ZNF521: variants seen among roughly 807,000 people sequenced by gnomAD.
ZNF521 encodes the protein LYST-interacting protein 3.
In ZNF521, 14 loss-of-function variants were observed where a neutral mutation model predicts 105.5. That is an observed-to-expected ratio of 0.13 (90% CI 0.09 to 0.21). ZNF521 has a LOEUF of 0.21. ZNF521 is among the 10% of genes least tolerant of loss of function. The pLI is 1.00. For missense variants in ZNF521, 1,233 were observed against 1,629.7 expected, an observed-to-expected ratio of 0.76 and a Z score of 4.19; for synonymous variants, 635 against 606.0, an observed-to-expected ratio of 1.05 and a Z score of -0.70.
At chr18:25,135,662 C>G (rs2034720918) in intron 5 of ZNF521, among the ~76,000 whole-genome samples, 1 of 152,126 alleles carries the variant, frequency 6.6e-6, no homozygotes, top group African/African-American at 2.4e-5. Flanking sequence ...GTGTGGGCCC[C>G]TTGGGGGACT....
chr18:25,111,292 C>T (rs1453743190), intron 5 of ZNF521, among the ~76,000 whole-genome samples: 1 of 152,084 alleles, frequency 6.6e-6, no homozygotes, highest in Admixed American at 6.5e-5. Flanking sequence ...TACTGCATTC[C>T]ACTTGTCCCA....
chr18:25,343,046 A>C (rs1001246998), intron 2 of ZNF521, among the ~76,000 whole-genome samples: 1 of 152,222 alleles, frequency 6.6e-6, no homozygotes, highest in African/African-American at 2.4e-5. Flanking sequence ...GTTATAGTTT[A>C]CTGTGTGGAC....
chr18:25,248,164 T>C (rs372364631), intron 3 of ZNF521, among the ~76,000 whole-genome samples: 2 of 152,182 alleles, frequency 1.3e-5, no homozygotes, highest in African/African-American at 2.4e-5. Context: ...ACACGTCTGA[T>C]AGGAAGGTTA....
chr18:25,308,347 T>C (rs1912097347), intron 3 of ZNF521, among the ~76,000 whole-genome samples: 1 of 152,084 alleles, frequency 6.6e-6, no homozygotes, highest in Non-Finnish European at 1.5e-5. Context: ...TCCTGACCTA[T>C]AGAAACTTTG....
chr18:25,179,116 CTTTTTTTTTTT>C (rs1175859497), intron 5 of ZNF521, among the ~76,000 whole-genome samples: 3 of 52,478 alleles, frequency 5.7e-5, no homozygotes, highest in African/African-American at 2.2e-4. Flanking sequence ...TTCTTTATTC[CTTTTTTTTTTT>C]TTTTTTTTTT....
chr18:25,091,015 T>C (rs1395473031), intron 6 of ZNF521, among the ~76,000 whole-genome samples: 5 of 152,200 alleles, frequency 3.3e-5, no homozygotes, highest in African/African-American at 1.2e-4. Context: ...AGTTAGTAAT[T>C]GTGCTAGCTG....
rs1190511888 is a variant in ZNF521 at position 25,351,892 on chromosome 18, A to AGCG, written c.-2+110_-2+112dup. 31 of 275,676 alleles carry AGCG rather than the reference A, an allele frequency of 1.1e-4. 1 individual carries two copies. Among genetic ancestry groups the AGCG allele is most frequent in the South Asian group, 7.9e-4 (25 of 31,456 alleles). The allele number at this position is 275,676 out of a possible 1,614,324, so 17.1% of individuals were successfully genotyped here. On this transcript the variant is annotated intron_variant, in intron 1 of 7. Coordinates refer to ENST00000361524, the MANE Select transcript of ZNF521 (RefSeq NM_015461.3). ...CTGCCTCGGCAGCGGCGGCGGCAGC[A>AGCG]GCGGCGGCAGCGGCGGCGGCAGCGG...
At chr18:25,339,229 A>G (rs1298944859) in intron 2 of ZNF521, among the ~76,000 whole-genome samples, 1 of 152,246 alleles carries the variant, frequency 6.6e-6, no homozygotes, top group Non-Finnish European at 1.5e-5. Flanking sequence ...ATAGACTGTT[A>G]GTTCCATGAA....
At chr18:25,141,564 G>T (rs1028570456) in intron 5 of ZNF521, among the ~76,000 whole-genome samples, 6 of 152,288 alleles carry the variant, frequency 3.9e-5, no homozygotes, top group Middle Eastern at 6.8e-3. Context: ...ATAACTTACT[G>T]CTCTTTGCCA....
At chr18:25,308,656 C>T (rs575477341) in intron 3 of ZNF521, among the ~76,000 whole-genome samples, 2 of 145,870 alleles carry the variant, frequency 1.4e-5, no homozygotes, top group African/African-American at 2.5e-5. Flanking sequence ...ACATCCCCCC[C>T]CCCCCACCCG....
At chr18:25,124,468 T>C (rs1398392617) in intron 5 of ZNF521, among the ~76,000 whole-genome samples, 1 of 152,196 alleles carries the variant, frequency 6.6e-6, no homozygotes, top group Non-Finnish European at 1.5e-5. Context: ...ATGATAAAAG[T>C]TGAAGAATTG....
chr18:25,315,369 A>C lies in ZNF521; in HGVS notation c.220+6639T>G, dbSNP rs1912547700. Among the ~76,000 whole-genome samples the C allele has an allele frequency of 2.0e-5, 3 of 152,208 alleles. No individual in the cohort carries two copies. In the South Asian group the frequency reaches 6.2e-4, roughly 32 times the overall value. ...CATGTTGGACTGTAGACTCCAGGAA[A>C]ATTGCACCATGAGACAAAGGAGAGA... is the stretch of plus-strand genomic sequence containing the variant. On this transcript the variant is annotated intron_variant, in intron 3 of 7. Transcript: ENST00000361524.
intron 5 of ZNF521, among the ~76,000 whole-genome samples, chr18:25,111,036 T>C (rs1375277415): frequency 1.3e-5 from 2 of 152,058 alleles, no homozygotes. Context: ...GTGCTGGAAT[T>C]ACAGGCGTGA....
chr18:25,147,118 A>C (rs1415946748), intron 5 of ZNF521, among the ~76,000 whole-genome samples: 2 of 152,158 alleles, frequency 1.3e-5, no homozygotes, highest in African/African-American at 2.4e-5. Context: ...AATGCATCCC[A>C]GCTCACAGTT....
chr18:25,235,211 AG>A, intron 3 of ZNF521, among the ~76,000 whole-genome samples: 1 of 152,234 alleles, frequency 6.6e-6, no homozygotes. Flanking sequence ...TGGCTTAGTT[AG>A]AAAGTCCTTG....
At chr18:25,267,038 C>T (rs1198481674) in intron 3 of ZNF521, among the ~76,000 whole-genome samples, 5 of 152,278 alleles carry the variant, frequency 3.3e-5, no homozygotes, top group Middle Eastern at 3.4e-3. Context: ...TTGAAATTCT[C>T]GCTGCCAGCA....
At chr18:25,250,413 T>G (rs981836676) in intron 3 of ZNF521, among the ~76,000 whole-genome samples, 1 of 152,260 alleles carries the variant, frequency 6.6e-6, no homozygotes, top group South Asian at 2.1e-4. Context: ...GGAATAGATC[T>G]GAAGTAAGCT....
intron 3 of ZNF521, among the ~76,000 whole-genome samples, chr18:25,319,559 G>T (rs1280053386): frequency 1.3e-5 from 2 of 150,628 alleles, no homozygotes; most frequent in African/African-American, 4.9e-5. Flanking sequence ...TCACGCCACT[G>T]CACTCCAGCC....
At chr18:25,218,060 G>T (rs1905445406) in intron 4 of ZNF521, among the ~76,000 whole-genome samples, 1 of 152,170 alleles carries the variant, frequency 6.6e-6, no homozygotes, top group Non-Finnish European at 1.5e-5. Context: ...TATAGAACAA[G>T]GAGAGGGCAG....
Sources: allele counts gnomAD v4.1 joint callset (sites outside exome capture counted in the v4.1 genomes callset), GRCh38; gene constraint gnomAD v4.1.1; transcripts MANE v1.5; gene names NCBI Gene and HGNC (gene_info 2026-07-23, HGNC 2026-07-21).